Variants in DYSF observed in about 807,000 individuals in gnomAD.
The protein encoded by DYSF is dystrophy-associated fer-1-like 1.
A neutral mutation model predicts 274.9 loss-of-function variants in DYSF; 212 were observed. That is an observed-to-expected ratio of 0.77 (90% confidence interval 0.69 to 0.86). The LOEUF (loss-of-function observed/expected upper bound fraction) is 0.86, where lower values mean the gene tolerates loss of function less well. DYSF is among the 40% of genes least tolerant of loss of function. The probability of loss-of-function intolerance (pLI) is 0.00; values close to 1 mark genes in which losing one functional copy is unlikely to be tolerated. For synonymous variants in DYSF, 1,091 were observed against 1,078.7 expected, an observed-to-expected ratio of 1.01 and a Z score of -0.22; for missense variants, 2,666 against 2,783.2, an observed-to-expected ratio of 0.96 and a Z score of 0.95.
rs573892877 is a variant in DYSF at position 71,674,188 on chromosome 2, C to G, written c.5785-9C>G. The G allele has an allele frequency of 5.0e-6, 8 of 1,613,540 alleles. No individual in the cohort carries two copies. In the East Asian group the frequency reaches 1.6e-4, roughly 31 times the overall value. On this transcript the variant is annotated splice_polypyrimidine_tract_variant and intron_variant, in intron 51 of 55. Coordinates refer to ENST00000410020, the MANE Select transcript of DYSF (RefSeq NM_001130987.2). The stretch of plus-strand genomic sequence containing the variant: ...CCTTGCATCCTTCTCTGTTCCTCTT[C>G]CGGGTCAGGATGCCTTCTGGAGGCT...
chr2:71,665,321 C>A lies in DYSF; in HGVS notation c.5317+17C>A. On this transcript the variant is annotated intron_variant, in intron 47 of 55. Coordinates refer to ENST00000410020, the MANE Select transcript of DYSF (RefSeq NM_001130987.2). ...AAGAGATAGGTGAGCTGCCACATGA[C>A]CCCAAACCATGGTGGGCTCTCGCTG... 2 of 1,613,858 alleles carry A rather than the reference C, an allele frequency of 1.2e-6. No individual in the cohort carries two copies. The highest frequency in any genetic ancestry group is 1.1e-5 in the South Asian group (1 of 91,076).
intron 3 of DYSF, among the ~76,000 whole-genome samples, chr2:71,502,509 A>G (rs1449498633): frequency 6.6e-6 from 1 of 152,068 alleles, no homozygotes; most frequent in East Asian, 1.9e-4. Flanking sequence ...GGCAGACTAT[A>G]TGGTGAGCCC....
chr2:71,640,200 C>T (rs2094465739), intron 41 of DYSF, among the ~76,000 whole-genome samples: 1 of 152,162 alleles, frequency 6.6e-6, no homozygotes, highest in Admixed American at 6.5e-5. Flanking sequence ...GGCAGAGGCA[C>T]CTATATGTGC....
At chr2:71,512,762 A>G (rs13429148) in intron 5 of DYSF, among the ~76,000 whole-genome samples, 251 of 152,342 alleles carry the variant, frequency 1.6e-3, no homozygotes, top group African/African-American at 5.6e-3. Flanking sequence ...CCATGTCTCA[A>G]TTGAGTGTGC....
chr2:71,631,848 G>A (rs1405490016), intron 41 of DYSF, among the ~76,000 whole-genome samples: 1 of 151,946 alleles, frequency 6.6e-6, no homozygotes, highest in Non-Finnish European at 1.5e-5. Context: ...CTCCCTCGCT[G>A]CACACTGCAG....
chr2:71,553,568 G>A (rs934445272), intron 20 of DYSF, among the ~76,000 whole-genome samples: 5 of 152,138 alleles, frequency 3.3e-5, no homozygotes, highest in Admixed American at 6.5e-5. Flanking sequence ...CTCAACTCAC[G>A]AAGGGAGCTC....
chr2:71,475,943 T>C (rs1232993232), intron 1 of DYSF, among the ~76,000 whole-genome samples: 1 of 151,916 alleles, frequency 6.6e-6, no homozygotes, highest in East Asian at 1.9e-4. Context: ...GCTAATTTTG[T>C]AAATTTTTTG....
chr2:71,477,371 G>A lies in DYSF; in HGVS notation c.92-3512G>A, dbSNP rs184840833. 2.3e-3 allele frequency among the ~76,000 whole-genome samples: 352 copies of A among 152,256 alleles called. 6 individuals carry two copies. Among genetic ancestry groups the A allele is most frequent in the Middle Eastern group, 0.014 (4 of 294 alleles). ...TCTCCTGGGGTGCAGGCTTTAGCAT[G>A]GTCATGAGGAAAGTTCATTGGGGTT... On this transcript the variant is annotated intron_variant, in intron 1 of 55. Transcript: ENST00000410020.
intron 30 of DYSF, among the ~76,000 whole-genome samples, chr2:71,578,724 C>T (rs904487873): frequency 2.0e-5 from 3 of 152,138 alleles, no homozygotes; most frequent in Non-Finnish European, 4.4e-5. Context: ...CCCTTGCCTC[C>T]TGCCACCTTT....
chr2:71,672,839 C>T (rs765375232), intron 51 of DYSF, among the ~76,000 whole-genome samples: 1 of 152,346 alleles, frequency 6.6e-6, no homozygotes, highest in Non-Finnish European at 1.5e-5. Flanking sequence ...AGGGGGGAGG[C>T]ACCAGACAGA....
At chr2:71,565,736 C>G (rs1280959108) in intron 24 of DYSF, among the ~76,000 whole-genome samples, 1 of 152,202 alleles carries the variant, frequency 6.6e-6, no homozygotes, top group African/African-American at 2.4e-5. Flanking sequence ...GGTTGCTTAA[C>G]CTCTCTGAAT....
intron 1 of DYSF, among the ~76,000 whole-genome samples, chr2:71,474,236 A>G (rs1476446659): frequency 6.6e-6 from 1 of 151,964 alleles, no homozygotes; most frequent in South Asian, 2.1e-4. Context: ...GATTTTGACT[A>G]CCCTAGGTAC....
Position 71,686,506 on chromosome 2 carries a change from C to T in DYSF, c.*14C>T. 1.2e-6 allele frequency: 2 copies of T among 1,614,044 alleles called. No individual in the cohort carries two copies. The highest frequency in any genetic ancestry group is 1.7e-6 in the Non-Finnish European group (2 of 1,180,000). ...CCCTTCAGCTGAGGACTCTCCTGCCCTGTAGAAGGGGCCGTGGGGTCCCCT... is the reference window on the plus strand; with the variant it reads ...CCCTTCAGCTGAGGACTCTCCTGCCTTGTAGAAGGGGCCGTGGGGTCCCCT... On this transcript the variant is annotated 3_prime_UTR_variant, in exon 56 of 56. Coordinates refer to ENST00000410020, the MANE Select transcript of DYSF (RefSeq NM_001130987.2).
rs774447895 is a variant in DYSF at position 71,520,228 on chromosome 2, G to T, written c.1033+20G>T. The T allele has an allele frequency of 6.2e-7, 1 of 1,614,076 alleles. No individual in the cohort carries two copies. The highest frequency in any genetic ancestry group is 8.5e-7 in the Non-Finnish European group (1 of 1,179,960). On this transcript the variant is annotated intron_variant, in intron 11 of 55. Coordinates refer to ENST00000410020, the MANE Select transcript of DYSF (RefSeq NM_001130987.2). The stretch of plus-strand genomic sequence containing the variant: ...AGCCCCGTGAGTTCTCACCACTTTG[G>T]CCGTATCCTTGCATTTTGGTTCTGG...
chr2:71,560,417 G>GCCCCAGCACAGGGCTCCGGCCCAGGCACC (rs56170138), intron 22 of DYSF, among the ~76,000 whole-genome samples: 8 of 138,786 alleles, frequency 5.8e-5, no homozygotes, highest in Non-Finnish European at 6.2e-5. Context: ...TCCCAGGCAG[G>GCCCCAGCACAGGGCTCCGGCCCAGGCACC]CCCCCGCCCC....
intron 33 of DYSF, 127 bp from the exon 34 acceptor site, chr2:71,600,575 G>C: frequency 7.6e-7 from 1 of 1,316,950 alleles, no homozygotes; most frequent in Non-Finnish European, 1.1e-6. Context: ...ACCATTCTGT[G>C]GGAGGGGGTG....
intron 3 of DYSF, among the ~76,000 whole-genome samples, chr2:71,484,249 C>T (rs903328877): frequency 4.6e-5 from 7 of 152,064 alleles, no homozygotes; most frequent in Admixed American, 1.3e-4. Context: ...GACAGGGTTC[C>T]TCCATGTTGG....
At chr2:71,502,079 C>G (rs905082620) in intron 3 of DYSF, among the ~76,000 whole-genome samples, 8 of 143,806 alleles carry the variant, frequency 5.6e-5, no homozygotes, top group African/African-American at 2.1e-4. Flanking sequence ...CTCCATGACT[C>G]TGTGTGTGTG....
chr2:71,487,048 C>A (rs2083424669), intron 3 of DYSF, among the ~76,000 whole-genome samples: 1 of 152,182 alleles, frequency 6.6e-6, no homozygotes, highest in Admixed American at 6.5e-5. Flanking sequence ...TGGTTTGGGG[C>A]AAGGTCTGTG....
Sources: allele counts gnomAD v4.1 joint callset (sites outside exome capture counted in the v4.1 genomes callset), GRCh38; gene constraint gnomAD v4.1.1; transcripts MANE v1.5; gene names NCBI Gene and HGNC (gene_info 2026-07-23, HGNC 2026-07-21).